The following SORCS3 variants were observed in gnomAD, a reference collection of about 807,000 sequenced individuals.
SORCS3 encodes sortilin related VPS10 domain containing receptor 3, also known as VPS10 domain-containing receptor SorCS3.
A neutral mutation model predicts 146.3 loss-of-function variants in SORCS3; 57 were observed. That is an observed-to-expected ratio of 0.39 (90% CI 0.31 to 0.49). The LOEUF is 0.49. Ranked by LOEUF, SORCS3 falls within the 20% of genes least tolerant of loss-of-function variation. SORCS3 has a pLI of 0.92. For synonymous variants in SORCS3, 653 were observed against 618.5 expected, an observed-to-expected ratio of 1.06 and a Z score of -0.83; for missense variants, 1,341 against 1,575.5, an observed-to-expected ratio of 0.85 and a Z score of 2.52.
chr10:105,014,161 T>C (rs1319203471), intron 4 of SORCS3, among the ~76,000 whole-genome samples: 4 of 150,128 alleles, frequency 2.7e-5, no homozygotes, highest in East Asian at 1.9e-4. Context: ...AAAATTCGCA[T>C]AGCAAAAAAA....
chr10:105,026,608 A>C (rs1384091670), intron 4 of SORCS3, among the ~76,000 whole-genome samples: 2 of 152,232 alleles, frequency 1.3e-5, no homozygotes, highest in Non-Finnish European at 2.9e-5. Flanking sequence ...TGGATAAAGA[A>C]AATGTGGTAC....
At chr10:104,832,538 T>C (rs1234395839) in intron 1 of SORCS3, among the ~76,000 whole-genome samples, 1 of 152,092 alleles carries the variant, frequency 6.6e-6, no homozygotes, top group Non-Finnish European at 1.5e-5. Context: ...GCCAACATGG[T>C]GATACCCTGT....
At chr10:104,867,352 C>T (rs1748161585) in intron 2 of SORCS3, among the ~76,000 whole-genome samples, 1 of 151,470 alleles carries the variant, frequency 6.6e-6, no homozygotes, top group Non-Finnish European at 1.5e-5. Flanking sequence ...CTCTGTCGCC[C>T]AGGCTGGAGT....
chr10:105,179,857 T>G (rs188668267), intron 14 of SORCS3, among the ~76,000 whole-genome samples: 1 of 152,322 alleles, frequency 6.6e-6, no homozygotes. Context: ...GGGAGTCCAT[T>G]TGGGGACAAG....
rs894365111 is a variant in SORCS3 at position 104,871,909 on chromosome 10, C to A, written c.695+29050C>A. On this transcript the variant is annotated intron_variant, in intron 2 of 26. Transcript: ENST00000369701. ...GAGAGGACTCAGTTTTACCCCTTTG[C>A]GTCTTATTTCTGGTGGTAGTCTTAA... Among the ~76,000 whole-genome samples, 14 of 152,026 alleles carry A rather than the reference C, an allele frequency of 9.2e-5. No homozygotes were observed. The East Asian group carries it at 2.7e-3, about 29-fold the overall frequency.
chr10:104,917,747 G>A (rs893966652), intron 3 of SORCS3, among the ~76,000 whole-genome samples: 3 of 152,120 alleles, frequency 2.0e-5, no homozygotes, highest in Non-Finnish European at 4.4e-5. Context: ...GTATTTGTCT[G>A]TCTGTGTCTG....
intron 1 of SORCS3, among the ~76,000 whole-genome samples, chr10:104,696,093 A>AT (rs755039152): frequency 4.5e-4 from 8 of 17,784 alleles, no homozygotes; most frequent in African/African-American, 5.2e-4. Flanking sequence ...ACACATATAT[A>AT]ATATATCATA....
At chr10:104,908,647 A>T (rs1446333795) in intron 2 of SORCS3, among the ~76,000 whole-genome samples, 1 of 152,226 alleles carries the variant, frequency 6.6e-6, no homozygotes, top group African/African-American at 2.4e-5. Context: ...AAATTAAAAA[A>T]AAAATTCATT....
chr10:104,763,324 A>ACTCCC (rs2017143470), intron 1 of SORCS3, among the ~76,000 whole-genome samples: 1 of 152,230 alleles, frequency 6.6e-6, no homozygotes, highest in Non-Finnish European at 1.5e-5. Flanking sequence ...TTGTTGATTA[A>ACTCCC]AATCTATCAG....
intron 5 of SORCS3, among the ~76,000 whole-genome samples, chr10:105,077,896 C>A (rs1589621535): frequency 6.6e-6 from 1 of 152,240 alleles, no homozygotes; most frequent in African/African-American, 2.4e-5. Context: ...GAATCTGGGG[C>A]TAGGGAGCAG....
intron 5 of SORCS3, among the ~76,000 whole-genome samples, chr10:105,062,017 G>T (rs1265283308): frequency 6.6e-6 from 1 of 152,158 alleles, no homozygotes; most frequent in East Asian, 1.9e-4. Context: ...GGGACAGAGG[G>T]GGATTCAGGT....
chr10:105,127,887 A>G (rs1306288477), intron 7 of SORCS3, among the ~76,000 whole-genome samples: 1 of 152,164 alleles, frequency 6.6e-6, no homozygotes, highest in Non-Finnish European at 1.5e-5. Flanking sequence ...TGCTGAAGTG[A>G]TCTGGGTCAG....
chr10:105,123,535 C>T (rs1201601705), intron 7 of SORCS3, among the ~76,000 whole-genome samples: 1 of 152,056 alleles, frequency 6.6e-6, no homozygotes, highest in East Asian at 1.9e-4. Flanking sequence ...AAATAAAAAT[C>T]CAAAAAGTAA....
At chr10:104,842,961 G>C (rs1200633578) in intron 2 of SORCS3, 102 bp downstream of exon 2, 1 of 910,604 alleles carries the variant, frequency 1.1e-6, no homozygotes, top group African/African-American at 1.6e-5. Flanking sequence ...GCAGAAGATA[G>C]TCCTCTTCCT....
chr10:104,782,236 G>A (rs990418637), intron 1 of SORCS3, among the ~76,000 whole-genome samples: 2 of 152,316 alleles, frequency 1.3e-5, no homozygotes, highest in Admixed American at 1.3e-4. Flanking sequence ...TCCTGAGCCT[G>A]GAGTTGTTGA....
intron 2 of SORCS3, among the ~76,000 whole-genome samples, chr10:104,908,212 C>T (rs1240048443): frequency 1.3e-5 from 2 of 152,208 alleles, no homozygotes; most frequent in Non-Finnish European, 2.9e-5. Context: ...CACTTGGAAG[C>T]ATAGTTGTAT....
chr10:105,015,224 A>G lies in SORCS3; in HGVS notation c.955-27831A>G, dbSNP rs1049808277. 2.6e-5 allele frequency among the ~76,000 whole-genome samples: 4 copies of G among 152,184 alleles called. No individual in the cohort carries two copies. The East Asian group carries it at 7.7e-4, about 29-fold the overall frequency. On this transcript the variant is annotated intron_variant, in intron 4 of 26. Transcript: ENST00000369701. ...ACTTTGGAGAACAAGCTGGCAGTACATTTGAAGCCAAATAAGTGTAAATTC... is the reference window on the plus strand; with the variant it reads ...ACTTTGGAGAACAAGCTGGCAGTACGTTTGAAGCCAAATAAGTGTAAATTC...
chr10:105,259,677 G>A (rs1305780454), intron 25 of SORCS3, among the ~76,000 whole-genome samples: 1 of 152,044 alleles, frequency 6.6e-6, no homozygotes, highest in East Asian at 1.9e-4. Flanking sequence ...CTGAAGATCT[G>A]CTTTTTCTCT....
At chr10:105,025,212 G>A (rs142795354) in intron 4 of SORCS3, among the ~76,000 whole-genome samples, 19 of 152,144 alleles carry the variant, frequency 1.2e-4, no homozygotes, top group African/African-American at 4.3e-4. Context: ...CCTTGCATAA[G>A]GGCTTTTAGC....
Sources: allele counts gnomAD v4.1 joint callset (sites outside exome capture counted in the v4.1 genomes callset), GRCh38; gene constraint gnomAD v4.1.1; transcripts MANE v1.5; gene names NCBI Gene and HGNC (gene_info 2026-07-23, HGNC 2026-07-21).